The following DNAAF4 variants were observed in gnomAD, a reference collection of about 807,000 sequenced individuals.
The protein encoded by DNAAF4 is dynein axonemal assembly factor 4.
DNAAF4 carries 43 observed loss-of-function variants against 51.8 expected under a neutral mutation model. The ratio of observed to expected loss-of-function variants is 0.83; its 90% CI spans 0.65 to 1.07. The LOEUF is 1.07. Among genes scored for constraint, DNAAF4 ranks in the 50% least tolerant of loss-of-function variants. DNAAF4 has a pLI of 0.00. For synonymous variants in DNAAF4, 194 were observed against 165.6 expected, an observed-to-expected ratio of 1.17 and a Z score of -1.32; for missense variants, 581 against 493.0, an observed-to-expected ratio of 1.18 and a Z score of -1.69.
At chr15:55,447,134 C>T (rs1367830946) in intron 6 of DNAAF4, among the ~76,000 whole-genome samples, 1 of 145,524 alleles carries the variant, frequency 6.9e-6, no homozygotes, top group East Asian at 2.1e-4. Flanking sequence ...TCCTCACTTC[C>T]CAGACGGGGT....
chr15:55,501,039 G>A (rs141552774), intron 1 of DNAAF4, among the ~76,000 whole-genome samples: 7 of 149,502 alleles, frequency 4.7e-5, no homozygotes, highest in Non-Finnish European at 8.9e-5. Context: ...AAAAATACCT[G>A]TATGATATTG....
rs1209948840 is a variant in DNAAF4 at position 55,432,670 on chromosome 15, G to C, written c.1048-68C>G. The C allele has an allele frequency of 2.1e-6, 3 of 1,408,266 alleles. No individual in the cohort carries two copies. The African/African-American group carries it at 4.3e-5, about 20-fold the overall frequency. 87.2% of individuals were successfully genotyped at this position (1,408,266 alleles called of 1,614,324 possible). On this transcript the variant is annotated intron_variant, in intron 8 of 9. Transcript: ENST00000321149. ...TTAATTTAAACAAGCAAAAGGCTGG[G>C]CATGGTGGCTCACGCCTGTAATCCC...
At chr15:55,465,564 C>CA (rs2058158898) in intron 5 of DNAAF4, among the ~76,000 whole-genome samples, 1 of 131,602 alleles carries the variant, frequency 7.6e-6, no homozygotes, top group Admixed American at 7.8e-5. Context: ...TATGTTCTCA[C>CA]TTTTTTTTTT....
At chr15:55,433,919 T>TTATAATA (rs1317574977) in intron 8 of DNAAF4, among the ~76,000 whole-genome samples, 1 of 6,586 alleles carries the variant, frequency 1.5e-4, no homozygotes, top group African/African-American at 4.2e-4. Flanking sequence ...TATAATTATA[T>TTATAATA]ATATTATATT....
At chr15:55,420,673 T>C (rs1300442116) in intron 7 of DNAAF4, among the ~76,000 whole-genome samples, 1 of 152,140 alleles carries the variant, frequency 6.6e-6, no homozygotes, top group Admixed American at 6.6e-5. Context: ...AAACATCAAA[T>C]AGTGGGGCAC....
intron 3 of DNAAF4, among the ~76,000 whole-genome samples, chr15:55,491,626 T>C (rs2058572176): frequency 6.9e-6 from 1 of 144,784 alleles, no homozygotes; most frequent in South Asian, 2.1e-4. Context: ...CAATAAATCA[T>C]CATTTATATA....
intron 4 of DNAAF4, 77 bp downstream of exon 4, chr15:55,491,046 C>T (rs565668410): frequency 7.1e-6 from 11 of 1,545,484 alleles, no homozygotes; most frequent in Admixed American, 1.8e-5. Flanking sequence ...TGAGGAAGTC[C>T]AGCAGCTGGA....
intron 5 of DNAAF4, among the ~76,000 whole-genome samples, chr15:55,466,021 A>G (rs1225963979): frequency 1.3e-5 from 2 of 152,192 alleles, no homozygotes; most frequent in South Asian, 2.1e-4. Flanking sequence ...GTCCACCAAA[A>G]TCTCAGAAAT....
At chr15:55,476,409 T>C (rs1432716441) in intron 4 of DNAAF4, among the ~76,000 whole-genome samples, 7 of 152,084 alleles carry the variant, frequency 4.6e-5, no homozygotes, top group Admixed American at 4.6e-4. Context: ...GCTATGAATG[T>C]ACCACTGCAC....
At position 55,471,163 on chromosome 15, in the gene DNAAF4, A is replaced by G. The variant is rs1318335991; in HGVS notation, c.406-4002T>C. On this transcript the variant is annotated intron_variant, in intron 4 of 9. Coordinates refer to ENST00000321149, the MANE Select transcript of DNAAF4 (RefSeq NM_130810.4). ...GGCGTAAGCCAGTGGACCCAGCATGATTGATTATTAAGTCAGTCTCCAGCC... is the reference window on the plus strand; with the variant it reads ...GGCGTAAGCCAGTGGACCCAGCATGGTTGATTATTAAGTCAGTCTCCAGCC... Among the ~76,000 whole-genome samples, 3 of 152,008 alleles carry G rather than the reference A, an allele frequency of 2.0e-5. No individual in the cohort carries two copies. In the South Asian group the frequency reaches 6.2e-4, roughly 32 times the overall value.
At chr15:55,472,001 G>A (rs746529952) in intron 4 of DNAAF4, among the ~76,000 whole-genome samples, 7 of 151,796 alleles carry the variant, frequency 4.6e-5, no homozygotes, top group South Asian at 2.1e-4. Flanking sequence ...CACCATGCCC[G>A]TCTAATTTTT....
intron 6 of DNAAF4, among the ~76,000 whole-genome samples, chr15:55,446,811 C>A (rs1317991776): frequency 6.9e-6 from 1 of 145,958 alleles, no homozygotes; most frequent in African/African-American, 2.6e-5. Flanking sequence ...GGCGGCCGGG[C>A]AGAGGCGCTC....
intron 4 of DNAAF4, among the ~76,000 whole-genome samples, chr15:55,474,434 T>C (rs1315180765): frequency 3.3e-5 from 5 of 151,880 alleles, no homozygotes; most frequent in African/African-American, 1.2e-4. Flanking sequence ...CTCAGGAGGC[T>C]GAGGCAGAAG....
At chr15:55,430,971 T>G (rs1302499562) in intron 9 of DNAAF4, among the ~76,000 whole-genome samples, 192 bp from the exon 10 acceptor site, 2 of 152,110 alleles carry the variant, frequency 1.3e-5, no homozygotes, top group East Asian at 3.8e-4. Context: ...GGGAGTGCAG[T>G]GGCATGATCT....
intron 6 of DNAAF4, among the ~76,000 whole-genome samples, chr15:55,449,298 T>C (rs2057894405): frequency 6.6e-6 from 1 of 151,712 alleles, no homozygotes; most frequent in Admixed American, 6.6e-5. Flanking sequence ...CTTGTCATTA[T>C]GTCTTAAGGA....
At chr15:55,503,319 G>T (rs2058709533) in intron 1 of DNAAF4, among the ~76,000 whole-genome samples, 1 of 152,154 alleles carries the variant, frequency 6.6e-6, no homozygotes, top group Non-Finnish European at 1.5e-5. Flanking sequence ...GGACCAGACG[G>T]ATTCAGAGCC....
intron 6 of DNAAF4, chr15:55,443,454 A>G: frequency 1.7e-6 from 1 of 579,906 alleles, no homozygotes; most frequent in East Asian, 2.9e-5. Context: ...TCATTGATGG[A>G]CATTTGGGTT....
In DNAAF4 at chr15:55,497,863, T is replaced by C. The variant is rs778301650; in HGVS notation, c.124-4A>G. 12 of 1,592,936 alleles carry C rather than the reference T, an allele frequency of 7.5e-6. No individual in the cohort carries two copies. Among genetic ancestry groups the C allele is most frequent in the African/African-American group, 1.4e-5 (1 of 73,850 alleles). ...ATAAAAATGGAGGAAAGTTGACCTA[T>C]GCAGAAGGGTGAAAACAGAAACTAA... On this transcript the variant is annotated splice_region_variant and splice_polypyrimidine_tract_variant and intron_variant, in intron 2 of 9. Coordinates refer to ENST00000321149, the MANE Select transcript of DNAAF4 (RefSeq NM_130810.4).
At chr15:55,436,661 AG>A (rs1403799578) in intron 7 of DNAAF4, among the ~76,000 whole-genome samples, 1 of 152,192 alleles carries the variant, frequency 6.6e-6, no homozygotes, top group Non-Finnish European at 1.5e-5. Context: ...CTGGGATTAT[AG>A]GAGTGAGCCA....
Sources: allele counts gnomAD v4.1 joint callset (sites outside exome capture counted in the v4.1 genomes callset), GRCh38; gene constraint gnomAD v4.1.1; transcripts MANE v1.5; gene names NCBI Gene and HGNC (gene_info 2026-07-23, HGNC 2026-07-21).